Variants in HNRNPLL observed in about 807,000 individuals in gnomAD.
HNRNPLL encodes heterogeneous nuclear ribonucleoprotein L like.
HNRNPLL carries 25 observed loss-of-function variants against 67.1 expected under a neutral mutation model. The ratio of observed to expected loss-of-function variants is 0.37; its 90% CI spans 0.27 to 0.52. The LOEUF (loss-of-function observed/expected upper bound fraction) is 0.52, where lower values mean the gene tolerates loss of function less well. Ranked by LOEUF, HNRNPLL falls within the 20% of genes least tolerant of loss-of-function variation. The probability of loss-of-function intolerance (pLI) is 0.90; values close to 1 mark genes in which losing one functional copy is unlikely to be tolerated. For missense variants in HNRNPLL, 542 were observed against 673.9 expected (o/e 0.80, Z 2.17); for synonymous variants, 267 against 241.7 (o/e 1.10, Z -0.97).
chr2:38,565,464 G>C (rs1479398149), intron 12 of HNRNPLL, among the ~76,000 whole-genome samples: 1 of 152,056 alleles, frequency 6.6e-6, no homozygotes, highest in Non-Finnish European at 1.5e-5. Flanking sequence ...CCAGCAACTT[G>C]GGAGGCTGAG....
At chr2:38,601,596 A>G (rs1261241667) in intron 1 of HNRNPLL, 1 of 152,216 alleles carries the variant, frequency 6.6e-6, no homozygotes, top group Non-Finnish European at 1.5e-5. Context: ...CAAAATGATC[A>G]CATTCCTTCT....
At chr2:38,572,296 C>T (rs904879654) in intron 8 of HNRNPLL, among the ~76,000 whole-genome samples, 7 of 151,958 alleles carry the variant, frequency 4.6e-5, no homozygotes, top group African/African-American at 1.4e-4. Flanking sequence ...GGGTTGCTTC[C>T]TCAGATCAAG....
At chr2:38,587,564 C>G (rs1021896930) in intron 2 of HNRNPLL, among the ~76,000 whole-genome samples, 61 of 152,058 alleles carry the variant, frequency 4.0e-4, no homozygotes, top group Non-Finnish European at 4.7e-4. Context: ...GAAACACAGA[C>G]GCTTCACTGA....
rs553880143 is a variant in HNRNPLL, at chr2:38,566,710, G to A, written c.1573+1489C>T. Among the ~76,000 whole-genome samples, 7 of 151,702 alleles carry A rather than the reference G, an allele frequency of 4.6e-5. No individual in the cohort carries two copies. The East Asian group carries it at 1.2e-3, about 25-fold the overall frequency. On this transcript the variant is annotated intron_variant, in intron 12 of 12. Coordinates refer to ENST00000449105, the MANE Select transcript of HNRNPLL (RefSeq NM_138394.4). ...TAGAAAGTGCAACTATTGACCAGTC[G>A]TGGTTGCTCACGTCTGTAATCCTAG...
chr2:38,574,886 C>A (rs867748260), intron 7 of HNRNPLL, among the ~76,000 whole-genome samples: 1 of 151,798 alleles, frequency 6.6e-6, no homozygotes, highest in Non-Finnish European at 1.5e-5. Flanking sequence ...GACTCTCATA[C>A]ACACACCAAG....
In HNRNPLL at chr2:38,602,578, C is replaced by T; in HGVS notation, c.49G>A (p.Glu17Lys). ...AGACGCTTGGCCTGGCTCTCGTACT[C>T]CCGGTCCTCCTCGTACGTCTCCCTG... ...SPRETYEEDREYESQAKRLKT... is the reference protein window; with the variant it reads ...SPRETYEEDRKYESQAKRLKT... Residue 17 changes from glutamate to lysine, a missense_variant, in exon 1 of 13, where the codon GAG (glutamate) becomes AAG (lysine). Physicochemically the swap from Glu to Lys is moderately conservative, Grantham distance 56. Around this residue, in one of 2 missense-constraint regions of HNRNPLL, gnomAD observed 127 missense variants for 98.7 expected, o/e 1.29. Transcript: ENST00000449105. 1 of 1,573,756 alleles carries T rather than the reference C, an allele frequency of 6.4e-7. No homozygotes were observed. The highest frequency in any genetic ancestry group is 8.6e-7 in the Non-Finnish European group (1 of 1,161,628).
chr2:38,600,023 C>T (rs892426222), intron 1 of HNRNPLL: 2 of 408,872 alleles, frequency 4.9e-6, no homozygotes, highest in African/African-American at 4.2e-5. Context: ...AAGCACAAGA[C>T]AGTAAACTTC....
intron 2 of HNRNPLL, among the ~76,000 whole-genome samples, chr2:38,587,712 T>C (rs534991548): frequency 9.4e-4 from 143 of 152,356 alleles, no homozygotes; most frequent in African/African-American, 3.2e-3. Context: ...GTTTATGTTA[T>C]TACGCTAATA....
At chr2:38,567,365 C>T (rs1220246426) in intron 12 of HNRNPLL, among the ~76,000 whole-genome samples, 1 of 152,150 alleles carries the variant, frequency 6.6e-6, no homozygotes, top group African/African-American at 2.4e-5. Flanking sequence ...ATCCACCCGC[C>T]TCAGTCTCCC....
chr2:38,569,831 T>G lies in HNRNPLL; in HGVS notation c.1187A>C (p.Lys396Thr), dbSNP rs1337604188. The G allele has an allele frequency of 2.1e-6, 3 of 1,459,834 alleles. No homozygotes were observed. The highest frequency in any genetic ancestry group is 2.9e-6 in the Non-Finnish European group (3 of 1,051,454). 90.4% of individuals were successfully genotyped at this position (1,459,834 alleles called of 1,614,324 possible). The change falls in exon 9 of 13, where the codon AAA (lysine) becomes ACA (threonine). Residue 396 changes from lysine to threonine, a missense_variant. Lys to Thr is a moderately conservative substitution (Grantham distance 78). Transcript: ENST00000449105. ...ERAVTHLNNV[K>T]LFGKRLNVCV... ...AACATTAAGTCTTTTCCCAAATAATTTGACATTATTAAGGTGTGTGACAGC... is the reference window on the plus strand; with the variant it reads ...AACATTAAGTCTTTTCCCAAATAATGTGACATTATTAAGGTGTGTGACAGC...
At chr2:38,569,963 T>A (rs1666005751) in intron 8 of HNRNPLL, 38 bp from the exon 9 acceptor site, 1 of 1,485,844 alleles carries the variant, frequency 6.7e-7, no homozygotes, top group Non-Finnish European at 9.2e-7. Context: ...ACCATTTAAT[T>A]CCCTTTTACA....
At chr2:38,578,266 G>C (rs1330690990) in intron 6 of HNRNPLL, among the ~76,000 whole-genome samples, 2 of 151,990 alleles carry the variant, frequency 1.3e-5, no homozygotes, top group African/African-American at 2.4e-5. Flanking sequence ...TTTTATTCTA[G>C]CTACGTTTTC....
chr2:38,570,374 A>G (rs1198034709), intron 8 of HNRNPLL, among the ~76,000 whole-genome samples: 1 of 152,230 alleles, frequency 6.6e-6, no homozygotes, highest in Non-Finnish European at 1.5e-5. Context: ...TGAACCTTAT[A>G]TTCTAGTAGT....
chr2:38,601,406 T>G (rs1298614408), intron 1 of HNRNPLL, among the ~76,000 whole-genome samples: 2 of 152,216 alleles, frequency 1.3e-5, no homozygotes, highest in Non-Finnish European at 2.9e-5. Flanking sequence ...GTAGGATATA[T>G]GTGTACAGTT....
At position 38,602,483 on chromosome 2, in the gene HNRNPLL, C is replaced by T; in HGVS notation, c.144G>A (p.Arg48=). Reference sequence around the variant, plus strand: ...CGCCGCCGCCGCCATCGCCCCCGCCCCGGGGCGTCGCTTCCCGGCGGTTCT... The same window carrying T: ...CGCCGCCGCCGCCATCGCCCCCGCCTCGGGGCGTCGCTTCCCGGCGGTTCT... The part of the protein sequence containing the change: ...EGENRREATP[R]GGGDGGGGGR... Residue 48 remains arginine, a synonymous_variant, in exon 1 of 13, where the codon CGG becomes CGA. Transcript: ENST00000449105. 6.5e-7 allele frequency: 1 copy of T among 1,544,000 alleles called. No individual in the cohort carries two copies.
intron 12 of HNRNPLL, among the ~76,000 whole-genome samples, chr2:38,567,486 G>C (rs1414962018): frequency 6.6e-6 from 1 of 152,152 alleles, no homozygotes; most frequent in Non-Finnish European, 1.5e-5. Flanking sequence ...AAAGGTTGGA[G>C]GTTGTAGAAA....
intron 1 of HNRNPLL, among the ~76,000 whole-genome samples, chr2:38,593,966 A>G (rs1309263887): frequency 6.6e-6 from 1 of 152,192 alleles, no homozygotes; most frequent in Non-Finnish European, 1.5e-5. Context: ...CAAGGTCAGG[A>G]GTTCGAGACC....
intron 3 of HNRNPLL, among the ~76,000 whole-genome samples, chr2:38,584,209 G>A (rs1666641361): frequency 6.6e-6 from 1 of 152,102 alleles, no homozygotes; most frequent in Non-Finnish European, 1.5e-5. Flanking sequence ...TTCAAGGCAT[G>A]CACCACCACA....
In HNRNPLL at chr2:38,602,490, G is replaced by A. The variant is rs867840024; in HGVS notation, c.137C>T (p.Thr46Met). Residue 46 changes from threonine to methionine, a missense_variant, in exon 1 of 13, where the codon ACG (threonine) becomes ATG (methionine). Transcript: ENST00000449105. ...GCCGCCATCGCCCCCGCCCCGGGGCGTCGCTTCCCGGCGGTTCTCGCCTTC... is the reference window on the plus strand; with the variant it reads ...GCCGCCATCGCCCCCGCCCCGGGGCATCGCTTCCCGGCGGTTCTCGCCTTC... ...AEEGENRREA[T>M]PRGGGDGGGG... The A allele has an allele frequency of 7.8e-6, 12 of 1,545,216 alleles. No homozygotes were observed. The highest frequency in any genetic ancestry group is 2.0e-5 in the Admixed American group (1 of 51,084).
Sources: allele counts gnomAD v4.1 joint callset (sites outside exome capture counted in the v4.1 genomes callset), GRCh38; gene constraint gnomAD v4.1.1; regional missense constraint gnomAD v4.1.1; transcripts MANE v1.5; gene names NCBI Gene and HGNC (gene_info 2026-07-23, HGNC 2026-07-21).